The following KCNIP4 variants were observed in gnomAD, a reference collection of about 807,000 sequenced individuals.
KCNIP4 encodes Kv channel-interacting protein 4.
In KCNIP4, 12 loss-of-function variants were observed where a neutral mutation model predicts 34.0. That is an observed-to-expected ratio of 0.35 (90% CI 0.23 to 0.57). The LOEUF is 0.57. KCNIP4 is among the 20% of genes least tolerant of loss of function. The pLI is 0.83. For missense variants in KCNIP4, 238 were observed against 311.7 expected, an observed-to-expected ratio of 0.76 and a Z score of 1.78; for synonymous variants, 124 against 102.2, an observed-to-expected ratio of 1.21 and a Z score of -1.29.
intron 1 of KCNIP4, among the ~76,000 whole-genome samples, chr4:21,485,722 G>T (rs1731841417): frequency 6.6e-6 from 1 of 152,170 alleles, no homozygotes; most frequent in African/African-American, 2.4e-5. Context: ...TGCACAACTT[G>T]TATCCACAGT....
At chr4:21,687,287 T>G (rs551003588) in intron 1 of KCNIP4, among the ~76,000 whole-genome samples, 1 of 145,844 alleles carries the variant, frequency 6.9e-6, no homozygotes, top group African/African-American at 2.5e-5. Flanking sequence ...ACCTGCACAA[T>G]GTGCACATAT....
chr4:21,209,727 T>A (rs998367862), intron 1 of KCNIP4, among the ~76,000 whole-genome samples: 1 of 152,070 alleles, frequency 6.6e-6, no homozygotes, highest in East Asian at 1.9e-4. Flanking sequence ...TTTCTTTTTA[T>A]CCCTATCAGT....
chr4:21,672,710 C>T (rs558575173), intron 1 of KCNIP4, among the ~76,000 whole-genome samples: 5 of 152,306 alleles, frequency 3.3e-5, no homozygotes, highest in Admixed American at 3.3e-4. Flanking sequence ...AACAAATTAC[C>T]CTCAAAGTTG....
intron 1 of KCNIP4, among the ~76,000 whole-genome samples, chr4:20,932,525 G>A (rs1246644549): frequency 6.6e-6 from 1 of 151,518 alleles, no homozygotes; most frequent in Non-Finnish European, 1.5e-5. Context: ...ATTAGGTTAA[G>A]GCTTTTTGTT....
intron 1 of KCNIP4, among the ~76,000 whole-genome samples, chr4:21,868,782 T>C (rs1725581902): frequency 1.3e-5 from 2 of 152,146 alleles, no homozygotes; most frequent in South Asian, 4.1e-4. Context: ...CAAAGGCAGG[T>C]GGTATAGACC....
intron 1 of KCNIP4, among the ~76,000 whole-genome samples, chr4:21,140,071 T>C (rs572436957): frequency 3.3e-5 from 5 of 152,244 alleles, no homozygotes; most frequent in South Asian, 4.1e-4. Flanking sequence ...GATTCAAAAG[T>C]TCATAGTAGA....
chr4:21,250,814 A>C (rs1034688207), intron 1 of KCNIP4, among the ~76,000 whole-genome samples: 2 of 151,730 alleles, frequency 1.3e-5, no homozygotes, highest in East Asian at 3.9e-4. Context: ...TTTTCTTTTT[A>C]AATCTTCTCA....
Position 20,728,713 on chromosome 4 carries a change from T to G in KCNIP4, c.*1369A>C, listed in dbSNP as rs1311850135. The G allele has an allele frequency of 6.6e-6, 1 of 152,640 alleles. No homozygotes were observed. Among genetic ancestry groups the G allele is most frequent in the Admixed American group, 6.5e-5 (1 of 15,274 alleles). The allele number at this position is 152,640 out of a possible 1,614,324, so 9.5% of individuals were successfully genotyped here. A position where few individuals can be genotyped will look rare whatever the true frequency, so the allele number is the denominator to read the frequency against. On this transcript the variant is annotated 3_prime_UTR_variant, in exon 9 of 9. Transcript: ENST00000382152. Reference sequence around the variant, plus strand: ...ATGGCAAATTTCAGTGTACATGTATTGTACTACTCTTAATTTCTACACTGG... The same window carrying G: ...ATGGCAAATTTCAGTGTACATGTATGGTACTACTCTTAATTTCTACACTGG...
intron 1 of KCNIP4, among the ~76,000 whole-genome samples, chr4:21,108,121 G>A (rs961862833): frequency 1.3e-5 from 2 of 151,416 alleles, no homozygotes; most frequent in African/African-American, 4.9e-5. Context: ...GGCGTTCTCT[G>A]TATTTCCTGT....
chr4:20,731,110 C>G (rs1197576826), intron 8 of KCNIP4, among the ~76,000 whole-genome samples: 2 of 152,128 alleles, frequency 1.3e-5, no homozygotes, highest in Non-Finnish European at 2.9e-5. Context: ...GAGGCAGAGT[C>G]TATTTCTGTT....
chr4:21,293,154 T>G (rs924080663), intron 1 of KCNIP4, among the ~76,000 whole-genome samples: 2 of 152,192 alleles, frequency 1.3e-5, no homozygotes, highest in African/African-American at 4.8e-5. Flanking sequence ...TTATCTGGCT[T>G]CTTACATTGT....
chr4:21,114,996 T>C (rs916213619), intron 1 of KCNIP4, among the ~76,000 whole-genome samples: 1 of 152,170 alleles, frequency 6.6e-6, no homozygotes, highest in Non-Finnish European at 1.5e-5. Context: ...TCTGGCCATT[T>C]CTTGTTAGTT....
chr4:21,036,340 C>T (rs10028588), intron 1 of KCNIP4, among the ~76,000 whole-genome samples: 3,758 of 152,202 alleles, frequency 0.025, 145 homozygotes, highest in African/African-American at 0.084. Flanking sequence ...TAATTTATTA[C>T]ATTTTATGCT....
chr4:20,997,425 G>A (rs541062412), intron 1 of KCNIP4, among the ~76,000 whole-genome samples: 2 of 152,256 alleles, frequency 1.3e-5, no homozygotes, highest in South Asian at 2.1e-4. Context: ...AGGTATCAAA[G>A]GTGATCTTAA....
chr4:21,512,429 G>A (rs936397360), intron 1 of KCNIP4, among the ~76,000 whole-genome samples: 6 of 151,980 alleles, frequency 3.9e-5, no homozygotes, highest in South Asian at 2.1e-4. Context: ...CAGACAAAAG[G>A]TTAGTCATTT....
At chr4:21,316,092 T>C (rs552191843) in intron 1 of KCNIP4, among the ~76,000 whole-genome samples, 1 of 152,308 alleles carries the variant, frequency 6.6e-6, no homozygotes, top group East Asian at 1.9e-4. Context: ...CTTAAATCCT[T>C]CCACTTGGGT....
chr4:21,682,755 G>C (rs889872598), intron 1 of KCNIP4, among the ~76,000 whole-genome samples: 3 of 152,068 alleles, frequency 2.0e-5, no homozygotes, highest in African/African-American at 7.2e-5. Context: ...AGGAAATAGG[G>C]AGGCCCAAGG....
chr4:20,796,794 T>G (rs754969081), intron 3 of KCNIP4, among the ~76,000 whole-genome samples: 1 of 152,094 alleles, frequency 6.6e-6, no homozygotes, highest in Admixed American at 6.6e-5. Context: ...TAGTAATAGA[T>G]GGAAAAAAAC....
At chr4:21,685,361 T>C (rs919794029) in intron 1 of KCNIP4, among the ~76,000 whole-genome samples, 3 of 152,204 alleles carry the variant, frequency 2.0e-5, no homozygotes, top group African/African-American at 7.2e-5. Flanking sequence ...TCACTTTATT[T>C]TTCCAATGAG....
Sources: allele counts gnomAD v4.1 joint callset (sites outside exome capture counted in the v4.1 genomes callset), GRCh38; gene constraint gnomAD v4.1.1; transcripts MANE v1.5; gene names NCBI Gene and HGNC (gene_info 2026-07-23, HGNC 2026-07-21).